The following FRMD4A variants were observed in gnomAD, a reference collection of about 807,000 sequenced individuals.
FRMD4A encodes the protein FERM domain containing 4A, also known as FERM domain-containing protein 4A.
A neutral mutation model predicts 129.1 loss-of-function variants in FRMD4A; 29 were observed. The observed-to-expected ratio is 0.22, with a 90% CI of 0.17 to 0.31. The LOEUF (loss-of-function observed/expected upper bound fraction) is 0.31. Among genes scored for constraint, FRMD4A ranks in the 10% least tolerant of loss-of-function variants. The pLI is 1.00. For synonymous variants in FRMD4A, 634 were observed against 571.6 expected, an observed-to-expected ratio of 1.11 and a Z score of -1.56; for missense variants, 1,272 against 1,375.8, an observed-to-expected ratio of 0.92 and a Z score of 1.19.
intron 2 of FRMD4A, among the ~76,000 whole-genome samples, chr10:14,160,951 G>A (rs560205478): frequency 2.0e-5 from 3 of 152,162 alleles, no homozygotes; most frequent in African/African-American, 7.2e-5. Context: ...AAAACTGCAT[G>A]AAGATTTTTT....
intron 2 of FRMD4A, among the ~76,000 whole-genome samples, chr10:13,940,515 T>G (rs1229885044): frequency 6.6e-6 from 1 of 152,180 alleles, no homozygotes; most frequent in South Asian, 2.1e-4. Context: ...AATATGGTCT[T>G]GTATTAAAAT....
At chr10:13,909,835 A>G (rs1008098944) in intron 2 of FRMD4A, among the ~76,000 whole-genome samples, 5 of 152,256 alleles carry the variant, frequency 3.3e-5, no homozygotes, top group African/African-American at 9.6e-5. Flanking sequence ...TCTGCTTCAG[A>G]ATTGCCAGAA....
At chr10:13,984,890 G>A (rs779851323) in intron 2 of FRMD4A, among the ~76,000 whole-genome samples, 62 of 152,242 alleles carry the variant, frequency 4.1e-4, no homozygotes, top group Non-Finnish European at 7.8e-4. Flanking sequence ...CCAGGAGTGA[G>A]ACTGCTGGAT....
At chr10:13,779,551 T>G (rs1203845072) in intron 6 of FRMD4A, among the ~76,000 whole-genome samples, 1 of 152,162 alleles carries the variant, frequency 6.6e-6, no homozygotes, top group African/African-American at 2.4e-5. Flanking sequence ...CCCTGACATT[T>G]TACCCAGGTA....
chr10:13,890,713 G>T, intron 2 of FRMD4A: 1 of 985,400 alleles, frequency 1.0e-6, no homozygotes. Flanking sequence ...AGGGGAGCCA[G>T]AGCCGCATCC....
At chr10:13,952,685 T>C (rs2095381039) in intron 2 of FRMD4A, among the ~76,000 whole-genome samples, 1 of 152,154 alleles carries the variant, frequency 6.6e-6, no homozygotes, top group Non-Finnish European at 1.5e-5. Context: ...GTAAACTTTA[T>C]TTTTTAATTT....
At chr10:13,807,172 C>T (rs1343708954) in intron 4 of FRMD4A, among the ~76,000 whole-genome samples, 3 of 152,112 alleles carry the variant, frequency 2.0e-5, no homozygotes, top group Non-Finnish European at 4.4e-5. Flanking sequence ...TTAAAGGGTG[C>T]CAAAATGTCT....
Position 13,684,343 on chromosome 10 carries a change from G to A in FRMD4A, c.1118-9299C>T, listed in dbSNP as rs1044741485. ...CACGCCAAGTCAGAAAGTCATTTTCGGGGGCATTTGGAAATCTTTGGAGTG... is the reference window on the plus strand; with the variant it reads ...CACGCCAAGTCAGAAAGTCATTTTCAGGGGCATTTGGAAATCTTTGGAGTG... On this transcript the variant is annotated intron_variant, in intron 15 of 24. Coordinates refer to ENST00000357447, the MANE Select transcript of FRMD4A (RefSeq NM_018027.5). 2.3e-5 allele frequency: 23 copies of A among 985,130 alleles called. No homozygotes were observed. In the African/African-American group the frequency reaches 3.5e-4, roughly 15 times the overall value. The allele number at this position is 985,130 out of a possible 1,614,324, so 61.0% of individuals were successfully genotyped here.
At chr10:14,142,069 C>T (rs1839863198) in intron 2 of FRMD4A, among the ~76,000 whole-genome samples, 1 of 151,216 alleles carries the variant, frequency 6.6e-6, no homozygotes, top group South Asian at 2.1e-4. Context: ...TAATATATGA[C>T]AAAACTCTAA....
chr10:14,269,404 T>G (rs556234435), intron 2 of FRMD4A, among the ~76,000 whole-genome samples: 113 of 152,266 alleles, frequency 7.4e-4, no homozygotes, highest in Admixed American at 1.4e-3. Flanking sequence ...GGGGCTAAAA[T>G]CAGGGTGTCC....
chr10:14,037,691 C>T (rs1027806230), intron 2 of FRMD4A, among the ~76,000 whole-genome samples: 7 of 152,260 alleles, frequency 4.6e-5, no homozygotes, highest in Middle Eastern at 6.8e-3. Context: ...CAATTTTGCT[C>T]CCCATGGAGG....
chr10:13,757,286 T>C (rs762458022), intron 8 of FRMD4A, among the ~76,000 whole-genome samples: 16 of 152,238 alleles, frequency 1.1e-4, no homozygotes, highest in Non-Finnish European at 2.4e-4. Context: ...TTGTTTTACA[T>C]GTATATACAT....
intron 2 of FRMD4A, among the ~76,000 whole-genome samples, chr10:13,902,853 A>AC (rs1207129972): frequency 1.4e-5 from 2 of 146,144 alleles, no homozygotes; most frequent in South Asian, 2.2e-4. Flanking sequence ...AAAAAAAAAA[A>AC]AAAACAACAA....
intron 2 of FRMD4A, among the ~76,000 whole-genome samples, chr10:14,239,465 A>C (rs1437814630): frequency 1.3e-5 from 2 of 152,118 alleles, no homozygotes; most frequent in African/African-American, 4.8e-5. Context: ...GTCTCTACTA[A>C]AAATAGAAAA....
chr10:14,125,313 T>G (rs1018600990), intron 2 of FRMD4A, among the ~76,000 whole-genome samples: 1 of 152,160 alleles, frequency 6.6e-6, no homozygotes, highest in Non-Finnish European at 1.5e-5. Context: ...ATTTTAGATC[T>G]GCCAAAATAA....
At chr10:14,103,400 T>C (rs1468942233) in intron 2 of FRMD4A, among the ~76,000 whole-genome samples, 1 of 152,206 alleles carries the variant, frequency 6.6e-6, no homozygotes, top group African/African-American at 2.4e-5. Flanking sequence ...ACAGATGTGA[T>C]GCCTGGATCT....
At chr10:13,765,619 C>T (rs1228655124) in intron 6 of FRMD4A, among the ~76,000 whole-genome samples, 1 of 152,096 alleles carries the variant, frequency 6.6e-6, no homozygotes. Flanking sequence ...TGAGAGCCTA[C>T]GGAAGAATTG....
intron 2 of FRMD4A, among the ~76,000 whole-genome samples, chr10:13,983,692 C>T (rs2095570375): frequency 6.6e-6 from 1 of 152,028 alleles, no homozygotes; most frequent in African/African-American, 2.4e-5. Flanking sequence ...TCTGTTAGAT[C>T]TGTTAATGTT....
At chr10:14,025,111 C>T (rs538179837) in intron 2 of FRMD4A, among the ~76,000 whole-genome samples, 20 of 152,280 alleles carry the variant, frequency 1.3e-4, no homozygotes, top group African/African-American at 4.3e-4. Context: ...TAAATTTTTC[C>T]TCAGAATATT....
Sources: gnomAD v4.1 joint callset for allele counts (sites outside exome capture counted in the v4.1 genomes callset) on GRCh38, gnomAD v4.1.1 for gene constraint, MANE v1.5 for transcripts, NCBI Gene and HGNC (gene_info 2026-07-23, HGNC 2026-07-21) for gene names.